OR52K1: variants seen among roughly 807,000 people sequenced by gnomAD.
OR52K1 encodes the protein olfactory receptor 52K1.
OR52K1 carries 10 observed loss-of-function variants against 8.7 expected under a neutral mutation model. The ratio of observed to expected loss-of-function variants is 1.15; its 90% confidence interval spans 0.71 to 1.95. The LOEUF is 1.95. Ranked by LOEUF, OR52K1 falls within the 30% of genes most tolerant of loss-of-function variation. The pLI is 0.00. For missense variants in OR52K1, 431 were observed against 397.2 expected (o/e 1.08, Z -0.72); for synonymous variants, 203 against 148.5 (o/e 1.37, Z -2.67).
chr11:4,487,455 T>C (rs1846329912), intron 1 of OR52K1, among the ~76,000 whole-genome samples: 1 of 152,202 alleles, frequency 6.6e-6, no homozygotes, highest in Non-Finnish European at 1.5e-5. Context: ...CACTAGAATA[T>C]GTGGCAGTCA....
intron 1 of OR52K1, among the ~76,000 whole-genome samples, chr11:4,487,618 A>C (rs547575970): frequency 6.6e-6 from 1 of 152,308 alleles, no homozygotes; most frequent in South Asian, 2.1e-4. Flanking sequence ...AATCGGTAGA[A>C]AGAAGGACTC....
In OR52K1 at chr11:4,483,146, G is replaced by C. The variant is rs78071367; in HGVS notation, c.-359G>C. The C allele has an allele frequency of 5.0e-6, 2 of 398,468 alleles. No homozygotes were observed. The highest frequency in any genetic ancestry group is 4.1e-5 in the African/African-American group (2 of 48,626). The allele number at this position is 398,468 out of a possible 1,614,324, so 24.7% of individuals were successfully genotyped here. A position where few individuals can be genotyped will look rare whatever the true frequency, so the allele number is the denominator to read the frequency against. The stretch of plus-strand genomic sequence containing the variant: ...CTGCATTAGTCAAGAGGAAGAAAAC[G>C]AGGCCTGAACTAGAAAGATGGCAGG... On this transcript the variant is annotated 5_prime_UTR_variant, in exon 1 of 2. Coordinates refer to ENST00000641528, the MANE Select transcript of OR52K1 (RefSeq NM_001005171.3).
At chr11:4,485,066 C>G (rs1458368631) in intron 1 of OR52K1, among the ~76,000 whole-genome samples, 3 of 152,244 alleles carry the variant, frequency 2.0e-5, no homozygotes, top group Non-Finnish European at 4.4e-5. Flanking sequence ...TTGTGCAATT[C>G]TAAACACAAG....
chr11:4,484,513 CAAG>C (rs1846304687), intron 1 of OR52K1, among the ~76,000 whole-genome samples: 1 of 151,954 alleles, frequency 6.6e-6, no homozygotes, highest in Admixed American at 6.6e-5. Context: ...ATGGGCAGCA[CAAG>C]AAGAGAAGTA....
Position 4,489,764 on chromosome 11 carries a change from G to A in OR52K1, c.864G>A (p.Met288Ile). 1 of 1,614,044 alleles carries A rather than the reference G, an allele frequency of 6.2e-7. No individual in the cohort carries two copies. The highest frequency in any genetic ancestry group is 8.5e-7 in the Non-Finnish European group (1 of 1,179,984). The change falls in exon 2 of 2, where the codon ATG becomes ATA. Residue 288 changes from methionine (M) to isoleucine (I), a missense_variant. By Grantham distance (10) the Met-to-Ile change is conservative. Coordinates refer to ENST00000641528, the MANE Select transcript of OR52K1 (RefSeq NM_001005171.3). ...LAIFYLLFPP[M>I]VNPIIYGVKT... Reference sequence around the variant, plus strand: ...TTTTCTATCTCCTTTTCCCACCCATGGTCAATCCTATCATATATGGAGTCA... The same window carrying A: ...TTTTCTATCTCCTTTTCCCACCCATAGTCAATCCTATCATATATGGAGTCA...
In OR52K1 at chr11:4,491,029, T is replaced by G. The variant is rs1846370139; in HGVS notation, c.*1184T>G. The stretch of plus-strand genomic sequence containing the variant: ...AATACACTCTATGATGTTCACAGGT[T>G]GATAAAATCACCTGAGGACACATTT... On this transcript the variant is annotated 3_prime_UTR_variant, in exon 2 of 2. Transcript: ENST00000641528. 1 of 152,200 alleles carries G rather than the reference T, an allele frequency of 6.6e-6. No homozygotes were observed. Among genetic ancestry groups the G allele is most frequent in the Non-Finnish European group, 1.5e-5 (1 of 68,042 alleles). The allele number at this position is 152,200 out of a possible 1,614,324, so 9.4% of individuals were successfully genotyped here.
rs539399801 is a variant in OR52K1 at position 4,492,807 on chromosome 11, A to C, written c.*2962A>C. On this transcript the variant is annotated 3_prime_UTR_variant, in exon 2 of 2. Coordinates refer to ENST00000641528, the MANE Select transcript of OR52K1 (RefSeq NM_001005171.3). Reference sequence around the variant, plus strand: ...GTGTGCAGAGATGAGAGATCATAGAAATAAAGACAAAAGATAAAGAGAAGA... The same window carrying C: ...GTGTGCAGAGATGAGAGATCATAGACATAAAGACAAAAGATAAAGAGAAGA... 1.9e-4 allele frequency: 32 copies of C among 172,164 alleles called. 1 individual carries two copies. The South Asian group carries it at 4.8e-3, about 26-fold the overall frequency. The allele number at this position is 172,164 out of a possible 1,614,324, so 10.7% of individuals were successfully genotyped here. A position where few individuals can be genotyped will look rare whatever the true frequency, so the allele number is the denominator to read the frequency against.
chr11:4,484,103 A>C (rs1161699716), intron 1 of OR52K1, among the ~76,000 whole-genome samples: 1 of 152,194 alleles, frequency 6.6e-6, no homozygotes, highest in Non-Finnish European at 1.5e-5. Context: ...ATAATCTAGT[A>C]GTCTGTTTTA....
rs749298449 is a variant in OR52K1 at position 4,489,555 on chromosome 11, T to C, written c.655T>C (p.Ser219Pro). 2 of 1,614,112 alleles carry C rather than the reference T, an allele frequency of 1.2e-6. No homozygotes were observed. The highest frequency in any genetic ancestry group is 1.3e-5 in the African/African-American group (1 of 74,930). The change falls in exon 2 of 2, where the codon TCT (serine) becomes CCT (proline). Residue 219 changes from serine to proline, a missense_variant. Transcript: ENST00000641528. ...VVLDLLFVILSYVFILQAVLQ... is the reference protein window; with the variant it reads ...VVLDLLFVILPYVFILQAVLQ... ...GTTGGACCTGCTCTTTGTTATCCTGTCTTATGTCTTCATCCTTCAGGCAGT... is the reference window on the plus strand; with the variant it reads ...GTTGGACCTGCTCTTTGTTATCCTGCCTTATGTCTTCATCCTTCAGGCAGT...
At chr11:4,486,515 C>A (rs1308773065) in intron 1 of OR52K1, among the ~76,000 whole-genome samples, 1 of 152,204 alleles carries the variant, frequency 6.6e-6, no homozygotes, top group Non-Finnish European at 1.5e-5. Flanking sequence ...TTCCTCACCT[C>A]ATTCAATTTT....
In OR52K1 at chr11:4,488,651, A is replaced by T. The variant is rs2133106996; in HGVS notation, c.-250A>T. ...TATGAAAGTTGTCTTAGAATATTAA[A>T]TATCCATAGAATTGATATCCCATCT... On this transcript the variant is annotated 5_prime_UTR_variant, in exon 2 of 2. Transcript: ENST00000641528. 1 of 470,172 alleles carries T rather than the reference A, an allele frequency of 2.1e-6. No homozygotes were observed. Among genetic ancestry groups the T allele is most frequent in the South Asian group, 3.1e-5 (1 of 32,304 alleles). 29.1% of individuals were successfully genotyped at this position (470,172 alleles called of 1,614,324 possible). A position where few individuals can be genotyped will look rare whatever the true frequency, so the allele number is the denominator to read the frequency against.
In OR52K1 at chr11:4,485,053, C is replaced by G. The variant is rs527570637; in HGVS notation, c.-329+1877C>G. Among the ~76,000 whole-genome samples, 6 of 152,338 alleles carry G rather than the reference C, an allele frequency of 3.9e-5. No individual in the cohort carries two copies. The East Asian group carries it at 1.2e-3, about 29-fold the overall frequency. ...ATTGCTTTTATCAAGGTATCCAATC[C>G]TCTTGTGCAATTCTAAACACAAGGC... On this transcript the variant is annotated intron_variant, in intron 1 of 1. Coordinates refer to ENST00000641528, the MANE Select transcript of OR52K1 (RefSeq NM_001005171.3).
At chr11:4,487,466 T>A in intron 1 of OR52K1, among the ~76,000 whole-genome samples, 1 of 151,882 alleles carries the variant, frequency 6.6e-6, no homozygotes, top group Non-Finnish European at 1.5e-5. Flanking sequence ...GTGGCAGTCA[T>A]GATTTCAGCC....
In OR52K1 at chr11:4,489,363, G is replaced by A; in HGVS notation, c.463G>A (p.Val155Met). The A allele has an allele frequency of 3.1e-6, 5 of 1,614,178 alleles. No individual in the cohort carries two copies. The highest frequency in any genetic ancestry group is 4.2e-6 in the Non-Finnish European group (5 of 1,180,030). Residue 155 changes from valine (V) to methionine (M), a missense_variant, in exon 2 of 2, where the codon GTG becomes ATG. Val to Met is a conservative substitution (Grantham distance 21). Coordinates refer to ENST00000641528, the MANE Select transcript of OR52K1 (RefSeq NM_001005171.3). ...KIGMAAVARA[V>M]TLMTPLPFLL... ...TGGCATGGCTGCTGTGGCCCGGGCT[G>A]TGACACTAATGACTCCACTCCCCTT...
At chr11:4,488,472 G>A (rs1846338160) in intron 1 of OR52K1, 101 bp from the exon 2 acceptor site, 1 of 164,460 alleles carries the variant, frequency 6.1e-6, no homozygotes, top group Non-Finnish European at 1.3e-5. Flanking sequence ...GAGAAAATTG[G>A]CTCTTGCATT....
rs1846361624 is a variant in OR52K1, at chr11:4,490,117, A to G, written c.*272A>G. ...ACAAACCTCTCAAAGTGGTATTGTA[A>G]TCTGGGTGAAAGACAGTAGGACCTT... On this transcript the variant is annotated 3_prime_UTR_variant, in exon 2 of 2. Transcript: ENST00000641528. 1 of 387,900 alleles carries G rather than the reference A, an allele frequency of 2.6e-6. No individual in the cohort carries two copies. Among genetic ancestry groups the G allele is most frequent in the Non-Finnish European group, 4.6e-6 (1 of 215,344 alleles). The allele number at this position is 387,900 out of a possible 1,614,324, so 24.0% of individuals were successfully genotyped here. A position where few individuals can be genotyped will look rare whatever the true frequency, so the allele number is the denominator to read the frequency against.
At position 4,483,153 on chromosome 11, in the gene OR52K1, G is replaced by A. The variant is rs1024084837; in HGVS notation, c.-352G>A. ...AGTCAAGAGGAAGAAAACGAGGCCT[G>A]AACTAGAAAGATGGCAGGGAAAGGT... On this transcript the variant is annotated 5_prime_UTR_variant, in exon 1 of 2. Coordinates refer to ENST00000641528, the MANE Select transcript of OR52K1 (RefSeq NM_001005171.3). The A allele has an allele frequency of 1.8e-5, 7 of 398,456 alleles. No individual in the cohort carries two copies. Among genetic ancestry groups the A allele is most frequent in the Non-Finnish European group, 3.1e-5 (7 of 226,054 alleles). 24.7% of individuals were successfully genotyped at this position (398,456 alleles called of 1,614,324 possible). A position where few individuals can be genotyped will look rare whatever the true frequency, so the allele number is the denominator to read the frequency against.
chr11:4,485,809 A>T (rs1467615738), intron 1 of OR52K1, among the ~76,000 whole-genome samples: 1 of 152,146 alleles, frequency 6.6e-6, no homozygotes, highest in Non-Finnish European at 1.5e-5. Context: ...ATTCTGAGAG[A>T]AATGGGGAAC....
At position 4,492,623 on chromosome 11, in the gene OR52K1, T is replaced by C. The variant is rs946984223; in HGVS notation, c.*2778T>C. On this transcript the variant is annotated 3_prime_UTR_variant, in exon 2 of 2. Transcript: ENST00000641528. ...GGAAATACAGTCTTCTTACAGCATA[T>C]CATAAAATTATTTCACTTATCTCTG... 4 of 152,178 alleles carry C rather than the reference T, an allele frequency of 2.6e-5. No individual in the cohort carries two copies. Among genetic ancestry groups the C allele is most frequent in the Non-Finnish European group, 4.4e-5 (3 of 68,040 alleles). The allele number at this position is 152,178 out of a possible 1,614,324, so 9.4% of individuals were successfully genotyped here.
Sources: gnomAD v4.1 joint callset for allele counts (sites outside exome capture counted in the v4.1 genomes callset) on GRCh38, gnomAD v4.1.1 for gene constraint, MANE v1.5 for transcripts, NCBI Gene and HGNC (gene_info 2026-07-23, HGNC 2026-07-21) for gene names.